TARDBP: variants seen among roughly 807,000 people sequenced by gnomAD.
TARDBP encodes TAR DNA-binding protein 43.
In TARDBP, 4 loss-of-function variants were observed where a neutral mutation model predicts 38.3. The observed-to-expected ratio is 0.10, with a 90% CI of 0.05 to 0.24. TARDBP has a LOEUF of 0.24. Among genes scored for constraint, TARDBP ranks in the 10% least tolerant of loss-of-function variants. TARDBP has a pLI of 1.00. For synonymous variants in TARDBP, 184 were observed against 183.8 expected, an observed-to-expected ratio of 1.00 and a Z score of -0.01; for missense variants, 202 against 521.9, an observed-to-expected ratio of 0.39 and a Z score of 5.97.
rs78026355 is a variant in TARDBP, at chr1:11,019,207, T to C, written c.543+334T>C. 624 of 330,106 alleles carry C rather than the reference T, an allele frequency of 1.9e-3. 5 individuals are homozygous for C. Among genetic ancestry groups the C allele is most frequent in the African/African-American group, 0.013 (591 of 46,668 alleles). 20.4% of individuals were successfully genotyped at this position (330,106 alleles called of 1,614,324 possible). ...ATCAGAATACATACATTAATTGTTATAAAGACCTAACTTTTTCCAAGCAAA... is the reference window on the plus strand; with the variant it reads ...ATCAGAATACATACATTAATTGTTACAAAGACCTAACTTTTTCCAAGCAAA... On this transcript the variant is annotated intron_variant, in intron 4 of 5. Coordinates refer to ENST00000240185, the MANE Select transcript of TARDBP (RefSeq NM_007375.4).
At chr1:11,020,397 C>G (rs750878447) in intron 4 of TARDBP, 32 bp from the exon 5 acceptor site, 8 of 1,613,492 alleles carry the variant, frequency 5.0e-6, no homozygotes, top group Non-Finnish European at 5.9e-6. Context: ...TAACATATTT[C>G]TGAGTTTTTT....
Position 11,016,962 on chromosome 1 carries a change from C to T in TARDBP, c.357C>T (p.Asp119=), listed in dbSNP as rs749962069. 13 of 1,614,166 alleles carry T rather than the reference C, an allele frequency of 8.1e-6. No homozygotes were observed. Among genetic ancestry groups the T allele is most frequent in the Middle Eastern group, 3.3e-4 (2 of 6,062 alleles). ...TCCCATGGAAAACAACCGAACAGGA[C>T]CTGAAAGAGTATTTTAGTACCTTTG... ...LGLPWKTTEQ[D]LKEYFSTFGE... Residue 119 remains aspartate (D), a synonymous_variant, in exon 3 of 6, where the codon GAC becomes GAT. Coordinates refer to ENST00000240185, the MANE Select transcript of TARDBP (RefSeq NM_007375.4).
At chr1:11,018,088 TAGGC>T (rs1299765746) in intron 3 of TARDBP, among the ~76,000 whole-genome samples, 2 of 151,748 alleles carry the variant, frequency 1.3e-5, no homozygotes, top group Non-Finnish European at 2.9e-5. Context: ...TTCACCGTGT[TAGGC>T]AGGATGGTCT....
downstream of TARDBP, chr1:11,027,075 C>G: frequency 6.3e-7 from 1 of 1,594,738 alleles, no homozygotes; most frequent in African/African-American, 1.3e-5. Context: ...GTCCTTGCCC[C>G]CACTTTCTAA....
chr1:11,030,513 A>C (rs1643826242), exon 3 of TARDBP: 1 of 576,292 alleles, frequency 1.7e-6, no homozygotes, highest in Non-Finnish European at 3.0e-6. Context: ...TGTTAAATTA[A>C]ACCATTTGGA....
intron 2 of TARDBP, among the ~76,000 whole-genome samples, chr1:11,015,331 C>A (rs1643499262): frequency 6.6e-6 from 1 of 150,592 alleles, no homozygotes; most frequent in Non-Finnish European, 1.5e-5. Context: ...ACTAAAAATT[C>A]AAAAATTAGC....
rs1285447755 is a variant in TARDBP at position 11,022,784 on chromosome 1, TCAG to T, written c.*134_*136del. 47 of 1,440,618 alleles carry T rather than the reference TCAG, an allele frequency of 3.3e-5. No homozygotes were observed. Among genetic ancestry groups the T allele is most frequent in the Admixed American group, 1.4e-4 (5 of 35,432 alleles). The allele number at this position is 1,440,618 out of a possible 1,614,324, so 89.2% of individuals were successfully genotyped here. ...TTGGTTTGTTCAGTGTGGAGTATAT[TCAG>T]CAGTATTTTTGACATTTTTCTTTAG... is the stretch of plus-strand genomic sequence containing the variant. On this transcript the variant is annotated 3_prime_UTR_variant, in exon 6 of 6. Transcript: ENST00000240185. The surrounding 1 kb of genome is among the most constrained non-coding windows in gnomAD (Gnocchi z 4.5).
In TARDBP at chr1:11,022,633, G is replaced by A. The variant is rs1310728638; in HGVS notation, c.1224G>A (p.Lys408=). 6.2e-7 allele frequency: 1 copy of A among 1,607,696 alleles called. No homozygotes were observed. Among genetic ancestry groups the A allele is most frequent in the Admixed American group, 1.7e-5 (1 of 58,656 alleles). Residue 408 remains lysine, a synonymous_variant, in exon 6 of 6, where the codon AAG becomes AAA. Transcript: ENST00000240185. The surrounding 1 kb of genome is among the most constrained non-coding windows in gnomAD (Gnocchi z 4.5). ...NGGFGSSMDS[K]SSGWGM is the part of the protein sequence containing the mutation. ...GCTTTGGCTCAAGCATGGATTCTAAGTCTTCTGGCTGGGGAATGTAGACAG... is the reference window on the plus strand; with the variant it reads ...GCTTTGGCTCAAGCATGGATTCTAAATCTTCTGGCTGGGGAATGTAGACAG...
chr1:11,016,152 GC>G (rs1459178074), intron 2 of TARDBP: 1 of 152,224 alleles, frequency 6.6e-6, no homozygotes, highest in Non-Finnish European at 1.5e-5. Flanking sequence ...TCTTGGCCAG[GC>G]TGGTCTTGAA....
downstream of TARDBP, chr1:11,026,809 T>A (rs1643740166): frequency 7.7e-7 from 1 of 1,302,326 alleles, no homozygotes; most frequent in African/African-American, 1.5e-5. Context: ...TGATGAATGC[T>A]TCTCGAGCCA....
rs561385045 is a variant in TARDBP, at chr1:11,019,677, C to T, written c.544-752C>T. ...TGCCTCCCGGGTTCACGTCGTTCTC[C>T]TGCCTCAGCCTGCCGAGTAGCTGGG... On this transcript the variant is annotated intron_variant, in intron 4 of 5. Transcript: ENST00000240185. Among the ~76,000 whole-genome samples, 651 of 151,894 alleles carry T rather than the reference C, an allele frequency of 4.3e-3. 4 individuals are homozygous for T. Among genetic ancestry groups the T allele is most frequent in the African/African-American group, 0.015 (619 of 41,374 alleles).
intron 5 of TARDBP, 99 bp downstream of exon 5, chr1:11,020,698 G>GATGGTC: frequency 2.3e-6 from 3 of 1,314,096 alleles, no homozygotes; most frequent in Non-Finnish European, 2.2e-6. Flanking sequence ...ACGAGGTCAG[G>GATGGTC]AGATCAAGAC....
intron 3 of TARDBP, 65 bp from the exon 4 acceptor site, chr1:11,018,666 CTA>C: frequency 6.2e-7 from 1 of 1,608,798 alleles, no homozygotes; most frequent in Non-Finnish European, 8.5e-7. Flanking sequence ...TTCTAAGGAA[CTA>C]TGATTTGGGA....
chr1:11,030,355 ACAT>A (rs1643823587), downstream of TARDBP: 2 of 753,082 alleles, frequency 2.7e-6, no homozygotes, highest in African/African-American at 3.5e-5. Flanking sequence ...CATCAGTGGG[ACAT>A]AGAGGTGTCT....
At chr1:11,029,430 A>G (rs1260520607), downstream of TARDBP, among the ~76,000 whole-genome samples, 1 of 151,336 alleles carries the variant, frequency 6.6e-6, no homozygotes, top group East Asian at 2.0e-4. Flanking sequence ...CTACTCAACT[A>G]TTATCTTTGG....
At chr1:11,021,442 G>GTT (rs1191644350) in intron 5 of TARDBP, among the ~76,000 whole-genome samples, 1 of 151,188 alleles carries the variant, frequency 6.6e-6, no homozygotes, top group Non-Finnish European at 1.5e-5. Flanking sequence ...CGCCTGGCCA[G>GTT]TTTTTTGTAT....
rs1334316388 is a variant in TARDBP, at chr1:11,023,385, A to G, written c.*731A>G. 1.3e-5 allele frequency: 13 copies of G among 963,624 alleles called. No individual in the cohort carries two copies. The Admixed American group carries it at 2.3e-4, about 17-fold the overall frequency. 59.7% of individuals were successfully genotyped at this position (963,624 alleles called of 1,614,324 possible). ...TATTTCATGGAGTCGTATCAACGCTATGAACGCAAGGCTGTGATATGGAAC... is the reference window on the plus strand; with the variant it reads ...TATTTCATGGAGTCGTATCAACGCTGTGAACGCAAGGCTGTGATATGGAAC... On this transcript the variant is annotated 3_prime_UTR_variant, in exon 6 of 6. Coordinates refer to ENST00000240185, the MANE Select transcript of TARDBP (RefSeq NM_007375.4).
At chr1:11,017,868 C>T (rs1014281151) in intron 3 of TARDBP, among the ~76,000 whole-genome samples, 3 of 147,844 alleles carry the variant, frequency 2.0e-5, no homozygotes, top group African/African-American at 7.5e-5. Context: ...GCGAACATAT[C>T]CAGACTCAGT....
intron 2 of TARDBP, 95 bp downstream of exon 2, chr1:11,014,060 C>T (rs1643467810): frequency 1.6e-6 from 2 of 1,260,428 alleles, no homozygotes; most frequent in African/African-American, 1.5e-5. Flanking sequence ...CAGAATGTCT[C>T]CTGAAACTTA....
Sources: gnomAD v4.1 joint callset for allele counts (sites outside exome capture counted in the v4.1 genomes callset) on GRCh38, gnomAD v4.1.1 for gene constraint, Gnocchi (gnomAD v3.1) non-coding constraint, MANE v1.5 for transcripts, NCBI Gene and HGNC (gene_info 2026-07-23, HGNC 2026-07-21) for gene names.